Variants in MPI observed in about 807,000 individuals in gnomAD.
The protein encoded by MPI is mannose-6-phosphate isomerase.
A neutral mutation model predicts 40.1 loss-of-function variants in MPI; 33 were observed. The ratio of observed to expected loss-of-function variants is 0.82; its 90% CI spans 0.62 to 1.10. The LOEUF is 1.10. Among genes scored for constraint, MPI ranks in the 50% least tolerant of loss-of-function variants. MPI has a pLI of 0.00. For synonymous variants in MPI, 187 were observed against 207.4 expected, an observed-to-expected ratio of 0.90 and a Z score of 0.85; for missense variants, 514 against 524.1, an observed-to-expected ratio of 0.98 and a Z score of 0.19.
rs777941216 is a variant in MPI at position 74,893,328 on chromosome 15, CA to C, written c.670+9del. 1 of 1,613,934 alleles carries C rather than the reference CA, an allele frequency of 6.2e-7. No individual in the cohort carries two copies. The highest frequency in any genetic ancestry group is 1.3e-5 in the African/African-American group (1 of 74,922). ...AGCGGATCTCCCAGCAAGGTGGACA[CA>C]GTTATATTCCTGGTTGGGTGCAATG... On this transcript the variant is annotated intron_variant, in intron 5 of 7. Transcript: ENST00000352410.
intron 5 of MPI, 194 bp from the exon 6 acceptor site, chr15:74,895,958 G>T (rs1486074360): frequency 4.8e-6 from 3 of 621,286 alleles, no homozygotes; most frequent in African/African-American, 3.7e-5. Flanking sequence ...ATGAAAGATG[G>T]TATTTGTATG....
Position 74,899,229 on chromosome 15 carries a change from G to C in MPI, c.*1499G>C, listed in dbSNP as rs533135678. ...CTGAGGTTTCTGACCTGCAATCGTA[G>C]ATCCTGTCACCACAGACTAATCACT... On this transcript the variant is annotated 3_prime_UTR_variant, in exon 8 of 8. Coordinates refer to ENST00000352410, the MANE Select transcript of MPI (RefSeq NM_002435.3). The C allele has an allele frequency of 6.6e-6, 1 of 152,342 alleles. No homozygotes were observed. Among genetic ancestry groups the C allele is most frequent in the East Asian group, 1.9e-4 (1 of 5,190 alleles). 9.4% of individuals were successfully genotyped at this position (152,342 alleles called of 1,614,324 possible).
Position 74,897,541 on chromosome 15 carries a change from C to T in MPI, c.1083C>T (p.Val361=), listed in dbSNP as rs2064840151. 1.2e-6 allele frequency: 2 copies of T among 1,614,104 alleles called. No homozygotes were observed. Among genetic ancestry groups the T allele is most frequent in the Non-Finnish European group, 1.7e-6 (2 of 1,179,966 alleles). The change falls in exon 8 of 8, where the codon GTC becomes GTT. Residue 361 remains valine, a synonymous_variant. Coordinates refer to ENST00000352410, the MANE Select transcript of MPI (RefSeq NM_002435.3). ...CTGGCTCTGTCACTGAATACAAGGT[C>T]TTGGCACTGGACTCTGCCAGCATCC... The part of the protein sequence containing the change: ...EVPGSVTEYK[V]LALDSASILL...
At chr15:74,893,102 T>C (rs772709499) in intron 4 of MPI, 36 bp from the exon 5 acceptor site, 12 of 1,612,646 alleles carry the variant, frequency 7.4e-6, no homozygotes, top group Admixed American at 1.7e-5. Context: ...CATCTTACCA[T>C]TCCTGATATG....
chr15:74,891,071 T>C (rs1038562180), intron 2 of MPI: 11 of 579,006 alleles, frequency 1.9e-5, no homozygotes, highest in Admixed American at 1.1e-4. Flanking sequence ...TTAAGAGTCA[T>C]AGTTTTTCTG....
chr15:74,895,601 A>C (rs1476093487), intron 5 of MPI: 3 of 157,936 alleles, frequency 1.9e-5, no homozygotes, highest in Non-Finnish European at 4.2e-5. Context: ...AAAAAAAAAA[A>C]AGGGAAAGCT....
chr15:74,892,785 T>C lies in MPI; in HGVS notation c.470T>C (p.Ile157Thr). The change falls in exon 4 of 8, where the codon ATT becomes ACT. Residue 157 changes from isoleucine to threonine, a missense_variant. Transcript: ENST00000352410. Reference sequence around the variant, plus strand: ...TGTGGCTTCCGGCCAGTTGAGGAGATTGTAACCTTTCTAAAGAGTAAGTTG... The same window carrying C: ...TGTGGCTTCCGGCCAGTTGAGGAGACTGTAACCTTTCTAAAGAGTAAGTTG... ...GLCGFRPVEEIVTFLKKVPEF... is the reference protein window; with the variant it reads ...GLCGFRPVEETVTFLKKVPEF... 1 of 1,614,240 alleles carries C rather than the reference T, an allele frequency of 6.2e-7. No homozygotes were observed. The highest frequency in any genetic ancestry group is 8.5e-7 in the Non-Finnish European group (1 of 1,180,050).
chr15:74,890,090 G>T lies in MPI; in HGVS notation c.16+1G>T. ...GGGGCGAGCATGGCCGCTCCGCGAG[G>T]TGAGCCATTGGCTGGGGTGTCGGCG... On this transcript the variant is annotated splice_donor_variant, in intron 1 of 7. Coordinates refer to ENST00000352410, the MANE Select transcript of MPI (RefSeq NM_002435.3). LOFTEE classifies it high-confidence loss of function. 1 of 1,608,358 alleles carries T rather than the reference G, an allele frequency of 6.2e-7. No homozygotes were observed. The highest frequency in any genetic ancestry group is 8.5e-7 in the Non-Finnish European group (1 of 1,179,974).
rs749533638 is a variant in MPI, at chr15:74,891,427, C to A, written c.193C>A (p.Arg65Ser). The change falls in exon 3 of 8, where the codon CGC becomes AGC. Residue 65 changes from arginine to serine, a missense_variant. Transcript: ENST00000352410. ...PRGDAKILDNRISQKTLSQWI... is the reference protein window; with the variant it reads ...PRGDAKILDNSISQKTLSQWI... ...AGGGGATGCCAAGATCCTTGACAAC[C>A]GCATCTCACAGAAGACCCTAAGCCA... The A allele has an allele frequency of 6.2e-7, 1 of 1,614,178 alleles. No homozygotes were observed. The highest frequency in any genetic ancestry group is 2.2e-5 in the East Asian group (1 of 44,890).
At position 74,895,863 on chromosome 15, in the gene MPI, G is replaced by A. The variant is rs1469417218; in HGVS notation, c.671-289G>A. The A allele has an allele frequency of 8.8e-6, 4 of 456,610 alleles. No homozygotes were observed. The Admixed American group carries it at 1.0e-4, about 12-fold the overall frequency. The allele number at this position is 456,610 out of a possible 1,614,324, so 28.3% of individuals were successfully genotyped here. ...TAGCCCAAATGTCAGTAGCGCCAAG[G>A]CTGAGAAATCCCATCCTGAAAGGAC... On this transcript the variant is annotated intron_variant, in intron 5 of 7. Coordinates refer to ENST00000352410, the MANE Select transcript of MPI (RefSeq NM_002435.3).
Position 74,901,068 on chromosome 15 carries a change from C to T in MPI, c.*3338C>T, listed in dbSNP as rs2141221010. 1.3e-5 allele frequency: 2 copies of T among 152,322 alleles called. No homozygotes were observed. Among genetic ancestry groups the T allele is most frequent in the Admixed American group, 1.3e-4 (2 of 15,298 alleles). 9.4% of individuals were successfully genotyped at this position (152,322 alleles called of 1,614,324 possible). ...TCTCATGCCTCTGGTGGTCACAGGA[C>T]ACTGAGTAAAGCAAGAGACTGGATA... On this transcript the variant is annotated 3_prime_UTR_variant, in exon 8 of 8. Transcript: ENST00000352410.
In MPI at chr15:74,890,068, G is replaced by A. The variant is rs1398644982; in HGVS notation, c.-6G>A. 5 of 1,607,152 alleles carry A rather than the reference G, an allele frequency of 3.1e-6. No individual in the cohort carries two copies. Among genetic ancestry groups the A allele is most frequent in the South Asian group, 1.1e-5 (1 of 91,052 alleles). On this transcript the variant is annotated 5_prime_UTR_variant, in exon 1 of 8. Transcript: ENST00000352410. ...TACGTGCTTAATCCTGGTGCAGGGG[G>A]CGAGCATGGCCGCTCCGCGAGGTGA...
chr15:74,892,777 TGAG>T lies in MPI; in HGVS notation c.466_468del (p.Glu156del). ...AGGGCTTGTGTGGCTTCCGGCCAGTTGAGGAGATTGTAACCTTTCTAAAGAGTA... is the reference window on the plus strand; with the variant it reads ...AGGGCTTGTGTGGCTTCCGGCCAGTTGAGATTGTAACCTTTCTAAAGAGTA... On this transcript the variant is annotated inframe_deletion, in exon 4 of 8. Coordinates refer to ENST00000352410, the MANE Select transcript of MPI (RefSeq NM_002435.3). The T allele has an allele frequency of 3.1e-6, 5 of 1,614,240 alleles. No homozygotes were observed. The highest frequency in any genetic ancestry group is 3.4e-6 in the Non-Finnish European group (4 of 1,180,032).
In MPI at chr15:74,896,636, CT is replaced by C. The variant is rs1382518979; in HGVS notation, c.844+314del. The C allele has an allele frequency of 7.0e-5, 43 of 611,902 alleles. No homozygotes were observed. In the African/African-American group the frequency reaches 7.8e-4, roughly 11 times the overall value. 37.9% of individuals were successfully genotyped at this position (611,902 alleles called of 1,614,324 possible). On this transcript the variant is annotated intron_variant, in intron 6 of 7. Coordinates refer to ENST00000352410, the MANE Select transcript of MPI (RefSeq NM_002435.3). The stretch of plus-strand genomic sequence containing the variant: ...ATCAAAGCTGTTGTTCTGTCACAGC[CT>C]TTGTATGTCTGTCCTACCTACCAGG...
rs576592379 is a variant in MPI at position 74,896,300 on chromosome 15, C to G, written c.819C>G (p.Asn273Lys). The change falls in exon 6 of 8, where the codon AAC becomes AAG. Residue 273 changes from asparagine (N) to lysine (K), a missense_variant. Asn to Lys is a moderately conservative substitution (Grantham distance 94, BLOSUM62 0). Coordinates refer to ENST00000352410, the MANE Select transcript of MPI (RefSeq NM_002435.3). The part of the protein sequence containing the change: ...KPGEAMFLEA[N>K]VPHAYLKGDC... ...GGGAGGCCATGTTTCTGGAGGCCAA[C>G]GTACCCCATGCCTACCTGAAAGGAG... The G allele has an allele frequency of 6.2e-7, 1 of 1,614,180 alleles. No homozygotes were observed. Among genetic ancestry groups the G allele is most frequent in the African/African-American group, 1.3e-5 (1 of 75,040 alleles).
Position 74,893,164 on chromosome 15 carries a change from G to A in MPI, c.514G>A (p.Gly172Arg). The part of the protein sequence containing the change: ...KKVPEFQFLI[G>R]DEAATHLKQT... ...GGTGCCTGAGTTTCAGTTCCTGATT[G>A]GAGATGAGGCAGCAACACACCTGAA... Residue 172 changes from glycine to arginine, a missense_variant, in exon 5 of 8, where the codon GGA becomes AGA. Coordinates refer to ENST00000352410, the MANE Select transcript of MPI (RefSeq NM_002435.3). 2.5e-6 allele frequency: 4 copies of A among 1,614,118 alleles called. No individual in the cohort carries two copies. The highest frequency in any genetic ancestry group is 2.5e-6 in the Non-Finnish European group (3 of 1,180,032).
intron 1 of MPI, 136 bp downstream of exon 1, chr15:74,890,225 C>A: frequency 7.8e-7 from 1 of 1,287,330 alleles, no homozygotes; most frequent in Non-Finnish European, 1.1e-6. Context: ...AGAGGTGTGG[C>A]CACCTGCGAT....
At chr15:74,894,623 CAAAAAA>C (rs199794406) in intron 5 of MPI, among the ~76,000 whole-genome samples, 1 of 126,842 alleles carries the variant, frequency 7.9e-6, no homozygotes, top group African/African-American at 3.0e-5. Flanking sequence ...GACTCTGTCT[CAAAAAA>C]AAAAAAAAAA....
chr15:74,890,583 A>G lies in MPI; in HGVS notation c.73A>G (p.Ser25Gly). 1 of 1,614,150 alleles carries G rather than the reference A, an allele frequency of 6.2e-7. No individual in the cohort carries two copies. The highest frequency in any genetic ancestry group is 8.5e-7 in the Non-Finnish European group (1 of 1,180,036). The change falls in exon 2 of 8, where the codon AGC (serine) becomes GGC (glycine). Residue 25 changes from serine (S) to glycine (G), a missense_variant. Ser to Gly is a moderately conservative substitution (Grantham distance 56). Coordinates refer to ENST00000352410, the MANE Select transcript of MPI (RefSeq NM_002435.3). ...TGCCTGGGGGAAGATGGGTTCCAACAGCGAAGTGGCGCGGCTGTTGGCCAG... is the reference window on the plus strand; with the variant it reads ...TGCCTGGGGGAAGATGGGTTCCAACGGCGAAGTGGCGCGGCTGTTGGCCAG... ...QYAWGKMGSN[S>G]EVARLLASSD...
Sources: gnomAD v4.1 joint callset for allele counts (sites outside exome capture counted in the v4.1 genomes callset) on GRCh38, gnomAD v4.1.1 for gene constraint, MANE v1.5 for transcripts, NCBI Gene and HGNC (gene_info 2026-07-23, HGNC 2026-07-21) for gene names.